SMIM31: variants seen among roughly 807,000 people sequenced by gnomAD.
SMIM31 encodes human epithelial cell program regulator.
chr4:164,790,006 C>A, intron 2 of SMIM31, among the ~76,000 whole-genome samples: 1 of 152,166 alleles, frequency 6.6e-6, no homozygotes, highest in East Asian at 1.9e-4. Context: ...CATTTGGAGA[C>A]TTCATTCAGC....
chr4:164,770,668 A>T (rs1253558435), intron 2 of SMIM31, 113 bp downstream of exon 2: 1 of 395,752 alleles, frequency 2.5e-6, no homozygotes, highest in African/African-American at 2.1e-5. Context: ...GTGTGAGGAT[A>T]ACTTTGTTTT....
In SMIM31 at chr4:164,802,995, G is replaced by A. The variant is rs908848283; in HGVS notation, c.*1801G>A. 1 of 152,144 alleles carries A rather than the reference G, an allele frequency of 6.6e-6. No individual in the cohort carries two copies. The highest frequency in any genetic ancestry group is 2.4e-5 in the African/African-American group (1 of 41,424). 9.4% of individuals were successfully genotyped at this position (152,144 alleles called of 1,614,324 possible). ...GCCTTGGTGTTCTCTCTGAAAAAATGAGCATTTTAAAAAATCTTTGCTGGG... is the reference window on the plus strand; with the variant it reads ...GCCTTGGTGTTCTCTCTGAAAAAATAAGCATTTTAAAAAATCTTTGCTGGG... On this transcript the variant is annotated 3_prime_UTR_variant, in exon 3 of 3. Transcript: ENST00000507311.
intron 2 of SMIM31, among the ~76,000 whole-genome samples, chr4:164,772,199 C>T (rs1465150109): frequency 6.6e-6 from 1 of 152,130 alleles, no homozygotes; most frequent in Non-Finnish European, 1.5e-5. Flanking sequence ...GGTAGTGAGG[C>T]ATCTCACACG....
rs1477265736 is a variant in SMIM31, at chr4:164,802,992, A to G, written c.*1798A>G. The G allele has an allele frequency of 1.3e-5, 2 of 152,218 alleles. No homozygotes were observed. Among genetic ancestry groups the G allele is most frequent in the Admixed American group, 1.3e-4 (2 of 15,292 alleles). The allele number at this position is 152,218 out of a possible 1,614,324, so 9.4% of individuals were successfully genotyped here. Reference sequence around the variant, plus strand: ...TGAGCCTTGGTGTTCTCTCTGAAAAAATGAGCATTTTAAAAAATCTTTGCT... The same window carrying G: ...TGAGCCTTGGTGTTCTCTCTGAAAAGATGAGCATTTTAAAAAATCTTTGCT... On this transcript the variant is annotated 3_prime_UTR_variant, in exon 3 of 3. Coordinates refer to ENST00000507311, the MANE Select transcript of SMIM31 (RefSeq NM_001352885.1).
chr4:164,795,615 T>C (rs940883235), intron 2 of SMIM31, among the ~76,000 whole-genome samples: 1 of 145,758 alleles, frequency 6.9e-6, no homozygotes, highest in African/African-American at 2.5e-5. Context: ...AGTAAGATAA[T>C]TGAATATAAG....
At chr4:164,783,030 C>T (rs563179295) in intron 2 of SMIM31, among the ~76,000 whole-genome samples, 29 of 151,186 alleles carry the variant, frequency 1.9e-4, no homozygotes, top group East Asian at 3.9e-4. Flanking sequence ...CCAGCCTGGC[C>T]GACACAGTGA....
intron 1 of SMIM31, among the ~76,000 whole-genome samples, chr4:164,768,869 C>T (rs954794189): frequency 9.9e-5 from 15 of 152,194 alleles, no homozygotes; most frequent in African/African-American, 3.4e-4. Flanking sequence ...TTGATCAATT[C>T]ATTTTCCAAA....
At chr4:164,800,070 GTAAAGAAAATC>G (rs919925015) in intron 2 of SMIM31, among the ~76,000 whole-genome samples, 1 of 152,188 alleles carries the variant, frequency 6.6e-6, no homozygotes, top group Non-Finnish European at 1.5e-5. Context: ...GTGGCAAAGA[GTAAAGAAAATC>G]TGAGCCTTTT....
chr4:164,776,355 T>C (rs995031919), intron 2 of SMIM31, among the ~76,000 whole-genome samples: 1 of 152,200 alleles, frequency 6.6e-6, no homozygotes, highest in African/African-American at 2.4e-5. Flanking sequence ...CCTGACTTGG[T>C]TGACCATTCA....
intron 2 of SMIM31, among the ~76,000 whole-genome samples, chr4:164,772,708 A>G (rs909939240): frequency 6.6e-5 from 10 of 151,114 alleles, no homozygotes; most frequent in Non-Finnish European, 1.5e-4. Context: ...CCTCCCGTGT[A>G]GCTGGGACTA....
chr4:164,800,701 A>C (rs1414632970), intron 2 of SMIM31, among the ~76,000 whole-genome samples: 1 of 152,118 alleles, frequency 6.6e-6, no homozygotes, highest in Non-Finnish European at 1.5e-5. Flanking sequence ...TGTCTTGAGC[A>C]CCCAGCCCTC....
intron 2 of SMIM31, among the ~76,000 whole-genome samples, chr4:164,799,178 G>A (rs115357117): frequency 0.023 from 3,450 of 152,100 alleles, 111 homozygotes; most frequent in African/African-American, 0.078. Flanking sequence ...TTGAACTCGG[G>A]AGTTCAAGAC....
chr4:164,773,844 C>T (rs926895002), intron 2 of SMIM31, among the ~76,000 whole-genome samples: 1 of 152,084 alleles, frequency 6.6e-6, no homozygotes, highest in African/African-American at 2.4e-5. Flanking sequence ...TGGGAGTCTT[C>T]GTGATTAGAA....
At chr4:164,800,718 T>G (rs1434981809) in intron 2 of SMIM31, among the ~76,000 whole-genome samples, 1 of 152,166 alleles carries the variant, frequency 6.6e-6, no homozygotes, top group Non-Finnish European at 1.5e-5. Context: ...CCTCTACAGC[T>G]TTCTCTGTCT....
intron 1 of SMIM31, among the ~76,000 whole-genome samples, chr4:164,763,193 C>G (rs1732675173): frequency 6.6e-6 from 1 of 152,170 alleles, no homozygotes; most frequent in East Asian, 1.9e-4. Context: ...CCCATTGCCT[C>G]AATAATTCAA....
intron 2 of SMIM31, among the ~76,000 whole-genome samples, chr4:164,784,802 G>C (rs780217197): frequency 6.6e-6 from 1 of 151,966 alleles, no homozygotes; most frequent in Non-Finnish European, 1.5e-5. Context: ...TTGGAGTGCT[G>C]TGTTTGGAAA....
intron 2 of SMIM31, among the ~76,000 whole-genome samples, chr4:164,783,759 A>C (rs1416180545): frequency 6.6e-6 from 1 of 152,132 alleles, no homozygotes; most frequent in African/African-American, 2.4e-5. Flanking sequence ...CCCCACCTCC[A>C]TCTCTGAAAA....
intron 2 of SMIM31, chr4:164,787,445 T>C (rs1178581518): frequency 3.3e-5 from 5 of 151,856 alleles, no homozygotes; most frequent in African/African-American, 1.2e-4. Flanking sequence ...ACAAACACAG[T>C]GTTGCTCTTA....
intron 2 of SMIM31, among the ~76,000 whole-genome samples, chr4:164,772,469 G>A (rs1267523440): frequency 6.6e-6 from 1 of 152,172 alleles, no homozygotes; most frequent in Admixed American, 6.5e-5. Context: ...AGAACGCGAA[G>A]CACTTTAGAG....
Sources: allele counts gnomAD v4.1 joint callset (sites outside exome capture counted in the v4.1 genomes callset), GRCh38; gene constraint gnomAD v4.1.1; transcripts MANE v1.5; gene names NCBI Gene and HGNC (gene_info 2026-07-23, HGNC 2026-07-21).